Variants in PIBF1 observed in about 807,000 individuals in gnomAD.
The protein encoded by PIBF1 is progesterone-induced-blocking factor 1.
Under a neutral mutation model 112.5 loss-of-function variants are expected in PIBF1, and 90 were observed. That is an observed-to-expected ratio of 0.80 (90% CI 0.67 to 0.95). The LOEUF is 0.95. Ranked by LOEUF, PIBF1 falls within the 40% of genes least tolerant of loss-of-function variation. PIBF1 has a pLI of 0.00. For missense variants in PIBF1, 915 were observed against 852.3 expected (o/e 1.07, Z -0.92); for synonymous variants, 301 against 288.6 (o/e 1.04, Z -0.44).
chr13:72,785,554 C>A (rs7321718), intron 2 of PIBF1, among the ~76,000 whole-genome samples: 90,137 of 152,050 alleles, frequency 0.59, 27,330 homozygotes, highest in East Asian at 0.76. Flanking sequence ...ATACTCTACA[C>A]AAGTGAAGCT....
At chr13:72,961,758 T>G (rs1210473466) in intron 14 of PIBF1, among the ~76,000 whole-genome samples, 1 of 152,194 alleles carries the variant, frequency 6.6e-6, no homozygotes, top group Non-Finnish European at 1.5e-5. Flanking sequence ...AGTAGGAGCT[T>G]GCTGACACTG....
At chr13:72,933,417 T>A (rs895186280) in intron 14 of PIBF1, among the ~76,000 whole-genome samples, 18 of 152,158 alleles carry the variant, frequency 1.2e-4, no homozygotes, top group Non-Finnish European at 2.4e-4. Context: ...ATCCCAGCAC[T>A]TTGGGAAGCC....
intron 13 of PIBF1, among the ~76,000 whole-genome samples, chr13:72,927,109 TG>T: frequency 2.0e-5 from 3 of 151,762 alleles, no homozygotes; most frequent in East Asian, 3.9e-4. Context: ...TTGCCTAGGC[TG>T]TAGTGCAGTG....
chr13:72,944,141 G>A lies in PIBF1; in HGVS notation c.1833+12874G>A, dbSNP rs143269474. Among the ~76,000 whole-genome samples, 1,155 of 152,196 alleles carry A rather than the reference G, an allele frequency of 7.6e-3. 14 individuals are homozygous for A. Among genetic ancestry groups the A allele is most frequent in the Middle Eastern group, 0.014 (4 of 294 alleles). On this transcript the variant is annotated intron_variant, in intron 14 of 17. Transcript: ENST00000326291. ...CAGAATTGGAGTAAATAATGATTTTGCCTATATAGGAGTATTCAGAATAAG... is the reference window on the plus strand; with the variant it reads ...CAGAATTGGAGTAAATAATGATTTTACCTATATAGGAGTATTCAGAATAAG...
At chr13:72,975,395 A>G (rs535343403) in intron 16 of PIBF1, among the ~76,000 whole-genome samples, 7 of 152,306 alleles carry the variant, frequency 4.6e-5, no homozygotes, top group Non-Finnish European at 1.0e-4. Flanking sequence ...GTTTATGAGT[A>G]TCCTGATACT....
At chr13:72,966,960 C>T (rs1369825000) in intron 15 of PIBF1, among the ~76,000 whole-genome samples, 9 of 138,620 alleles carry the variant, frequency 6.5e-5, no homozygotes, top group African/African-American at 2.0e-4. Context: ...TTTTTTGAAA[C>T]GGAGTCTCAC....
intron 9 of PIBF1, among the ~76,000 whole-genome samples, chr13:72,848,260 T>C (rs1594042532): frequency 3.3e-5 from 5 of 152,278 alleles, no homozygotes; most frequent in Admixed American, 2.0e-4. Context: ...GGTCCTAAAG[T>C]TTTTCTCATT....
intron 14 of PIBF1, among the ~76,000 whole-genome samples, chr13:72,951,038 A>G (rs1291448920): frequency 1.3e-5 from 2 of 152,238 alleles, no homozygotes; most frequent in African/African-American, 2.4e-5. Context: ...GTAGGTATTC[A>G]GGCAAAAAGC....
chr13:72,891,512 T>TTA (rs2138556840), intron 10 of PIBF1, among the ~76,000 whole-genome samples: 1 of 151,906 alleles, frequency 6.6e-6, no homozygotes, highest in African/African-American at 2.4e-5. Flanking sequence ...GTATTTTTTT[T>TTA]ACCACTTCAC....
In PIBF1 at chr13:72,791,914, G is replaced by A. The variant is rs572725770; in HGVS notation, c.253-533G>A. On this transcript the variant is annotated intron_variant, in intron 2 of 17. Coordinates refer to ENST00000326291, the MANE Select transcript of PIBF1 (RefSeq NM_006346.4). ...CTCCCAAAGTGCTGGGATTACAGGC[G>A]TGAGCCACCGCACCCAGCTGAAAAT... Among the ~76,000 whole-genome samples, 109 of 152,056 alleles carry A rather than the reference G, an allele frequency of 7.2e-4. No individual in the cohort carries two copies. The Middle Eastern group carries it at 0.017, about 24-fold the overall frequency.
chr13:72,799,972 A>G (rs1281974069), intron 5 of PIBF1, among the ~76,000 whole-genome samples: 1 of 152,226 alleles, frequency 6.6e-6, no homozygotes, highest in African/African-American at 2.4e-5. Context: ...GTACAGGTCA[A>G]CTTGCCAAAC....
intron 5 of PIBF1, among the ~76,000 whole-genome samples, chr13:72,811,846 GA>G (rs149939314): frequency 4.6e-5 from 7 of 151,902 alleles, no homozygotes; most frequent in African/African-American, 9.7e-5. Context: ...GTGCATGAGG[GA>G]AAAAAAATTC....
intron 5 of PIBF1, among the ~76,000 whole-genome samples, chr13:72,807,463 T>C (rs2035795850): frequency 6.6e-6 from 1 of 152,116 alleles, no homozygotes; most frequent in African/African-American, 2.4e-5. Context: ...TAGTCCCAGC[T>C]ACTCAGGAGG....
intron 17 of PIBF1, among the ~76,000 whole-genome samples, chr13:73,005,460 C>T (rs1208388922): frequency 5.9e-5 from 9 of 151,334 alleles, no homozygotes; most frequent in Admixed American, 5.3e-4. Context: ...GATGGCAGAA[C>T]AAGACCCTGT....
chr13:72,804,211 A>G (rs1243666538), intron 5 of PIBF1, among the ~76,000 whole-genome samples: 1 of 152,182 alleles, frequency 6.6e-6, no homozygotes, highest in African/African-American at 2.4e-5. Context: ...GAGAAAAAAT[A>G]ATATATTTTC....
intron 17 of PIBF1, among the ~76,000 whole-genome samples, chr13:73,008,097 G>A (rs978476697): frequency 3.3e-5 from 5 of 152,182 alleles, no homozygotes; most frequent in Non-Finnish European, 2.9e-5. Context: ...ACATACTAAT[G>A]TAGGTGAGAA....
chr13:73,006,280 A>AT (rs1357454254), intron 17 of PIBF1, among the ~76,000 whole-genome samples: 3 of 152,082 alleles, frequency 2.0e-5, no homozygotes, highest in African/African-American at 7.2e-5. Context: ...GGACCTCAAA[A>AT]TATCTAGCTG....
intron 8 of PIBF1, among the ~76,000 whole-genome samples, chr13:72,828,993 A>G (rs1461289585): frequency 6.6e-6 from 1 of 152,190 alleles, no homozygotes; most frequent in Non-Finnish European, 1.5e-5. Context: ...GTGAGATGGT[A>G]TCTCATTGTG....
chr13:73,012,736 C>T (rs145678261), intron 17 of PIBF1, among the ~76,000 whole-genome samples: 147 of 150,612 alleles, frequency 9.8e-4, no homozygotes, highest in African/African-American at 3.4e-3. Flanking sequence ...GTCTAGGCAA[C>T]AGAGCAAGAC....
Sources: allele counts gnomAD v4.1 joint callset (sites outside exome capture counted in the v4.1 genomes callset), GRCh38; gene constraint gnomAD v4.1.1; transcripts MANE v1.5; gene names NCBI Gene and HGNC (gene_info 2026-07-23, HGNC 2026-07-21).